Variants in SYNE2 observed in about 807,000 individuals in gnomAD.
SYNE2 encodes spectrin repeat containing nuclear envelope protein 2.
In SYNE2, 431 loss-of-function variants were observed where a neutral mutation model predicts 856.3. The observed-to-expected ratio is 0.50, with a 90% CI of 0.47 to 0.55. The LOEUF is 0.55. Among genes scored for constraint, SYNE2 ranks in the 20% least tolerant of loss-of-function variants. SYNE2 has a pLI of 0.00. For synonymous variants in SYNE2, 2,923 were observed against 2,872.3 expected, an observed-to-expected ratio of 1.02 and a Z score of -0.56; for missense variants, 8,129 against 8,023.2, an observed-to-expected ratio of 1.01 and a Z score of -0.50.
In SYNE2 at chr14:64,024,167, G is replaced by C. The variant is rs1465631564; in HGVS notation, c.5638-90G>C. 5 of 1,081,780 alleles carry C rather than the reference G, an allele frequency of 4.6e-6. No individual in the cohort carries two copies. In the East Asian group the frequency reaches 1.2e-4, roughly 27 times the overall value. The allele number at this position is 1,081,780 out of a possible 1,614,324, so 67.0% of individuals were successfully genotyped here. A position where few individuals can be genotyped will look rare whatever the true frequency, so the allele number is the denominator to read the frequency against. On this transcript the variant is annotated intron_variant, in intron 38 of 115. Coordinates refer to ENST00000555002, the MANE Select transcript of SYNE2 (RefSeq NM_182914.3). ...AGGATCTTAAGAAGGTGGTATGTCT[G>C]TGTACTGGTTTGGAAAAGTGTCGTG...
intron 48 of SYNE2, 78 bp from the exon 49 acceptor site, chr14:64,055,866 T>A (rs1296554516): frequency 9.5e-7 from 1 of 1,049,432 alleles, no homozygotes; most frequent in African/African-American, 1.6e-5. Context: ...ATTATCTATG[T>A]ACCACGAAAA....
chr14:64,132,156 G>T, intron 76 of SYNE2, 109 bp from the exon 77 acceptor site: 1 of 1,324,534 alleles, frequency 7.5e-7, no homozygotes, highest in Admixed American at 1.9e-5. Context: ...CGGATGTCCT[G>T]GGATTTTGGA....
At chr14:63,835,081 G>A (rs972392004) in intron 1 of SYNE2, among the ~76,000 whole-genome samples, 2 of 151,702 alleles carry the variant, frequency 1.3e-5, no homozygotes, top group African/African-American at 2.4e-5. Context: ...ATCTATTGAC[G>A]GCATATTATG....
chr14:63,788,443 G>A (rs563982197), intron 1 of SYNE2, among the ~76,000 whole-genome samples: 61 of 152,198 alleles, frequency 4.0e-4, no homozygotes, highest in African/African-American at 1.4e-3. Flanking sequence ...AGCTGCACCC[G>A]GGAGGGCAGG....
chr14:63,909,213 A>G lies in SYNE2; in HGVS notation c.65A>G (p.His22Arg), dbSNP rs772051516. ...EQGSWGIDDL[H>R]ISLQAEQEDT... is the part of the protein sequence containing the mutation. ...GGTTCCTGGGGCATCGACGATCTCC[A>G]TATTTCATTGCAAGGTAATTAAGAT... is the stretch of plus-strand genomic sequence containing the variant. The change falls in exon 2 of 116, where the codon CAT becomes CGT. Residue 22 changes from histidine to arginine, a missense_variant. By Grantham distance (29) the His-to-Arg change is conservative (BLOSUM62 0). This residue lies in a region of SYNE2 where 2,422 missense variants were observed against 2,357.4 expected (regional missense o/e 1.03). Coordinates refer to ENST00000555002, the MANE Select transcript of SYNE2 (RefSeq NM_182914.3). The G allele has an allele frequency of 1.2e-6, 2 of 1,611,690 alleles. No individual in the cohort carries two copies. The highest frequency in any genetic ancestry group is 1.1e-5 in the South Asian group (1 of 90,960).
In SYNE2 at chr14:63,941,704, C is replaced by T. The variant is rs373286353; in HGVS notation, c.151C>T (p.Pro51Ser). ...INSQLARHTSPSVISDLFTDI... is the reference protein window; with the variant it reads ...INSQLARHTSSSVISDLFTDI... ...TTGTGACCTTCTGCAGCACACTTCTCCCTCAGTTATATCCGACCTATTCAC... is the reference window on the plus strand; with the variant it reads ...TTGTGACCTTCTGCAGCACACTTCTTCCTCAGTTATATCCGACCTATTCAC... Residue 51 changes from proline to serine, a missense_variant, in exon 4 of 116, where the codon CCC becomes TCC. This residue lies in a region of SYNE2 where 2,422 missense variants were observed against 2,357.4 expected (regional missense o/e 1.03). Coordinates refer to ENST00000555002, the MANE Select transcript of SYNE2 (RefSeq NM_182914.3). 6 of 1,613,934 alleles carry T rather than the reference C, an allele frequency of 3.7e-6. No homozygotes were observed. The African/African-American group carries it at 6.7e-5, about 18-fold the overall frequency.
At chr14:63,844,853 T>C (rs758317498) in intron 1 of SYNE2, among the ~76,000 whole-genome samples, 3 of 152,012 alleles carry the variant, frequency 2.0e-5, no homozygotes, top group Non-Finnish European at 4.4e-5. Flanking sequence ...AGGACCACCC[T>C]GAGCAACATA....
At chr14:64,039,108 T>C (rs2097127469) in intron 45 of SYNE2, among the ~76,000 whole-genome samples, 1 of 152,230 alleles carries the variant, frequency 6.6e-6, no homozygotes, top group South Asian at 2.1e-4. Flanking sequence ...CTTTTGGTTT[T>C]GTCTCTAATG....
At chr14:64,086,385 A>C (rs544684955) in intron 57 of SYNE2, among the ~76,000 whole-genome samples, 16 of 152,346 alleles carry the variant, frequency 1.1e-4, no homozygotes, top group Non-Finnish European at 2.2e-4. Context: ...CCAATATGAC[A>C]GTCTTCATTA....
chr14:64,083,991 C>G (rs1402151340), intron 57 of SYNE2, among the ~76,000 whole-genome samples: 1 of 150,578 alleles, frequency 6.6e-6, no homozygotes, highest in Admixed American at 6.6e-5. Context: ...ATGGTGCGAT[C>G]TTGGCTCACC....
intron 100 of SYNE2, among the ~76,000 whole-genome samples, chr14:64,206,496 T>C (rs994951133): frequency 1.3e-5 from 2 of 152,086 alleles, no homozygotes; most frequent in African/African-American, 4.8e-5. Context: ...GGCCATTGTG[T>C]GGTGTTTTAC....
At chr14:63,870,239 C>A (rs1478583713) in intron 1 of SYNE2, among the ~76,000 whole-genome samples, 1 of 152,028 alleles carries the variant, frequency 6.6e-6, no homozygotes, top group African/African-American at 2.4e-5. Context: ...CACTCTCCAC[C>A]CATAAAAGCC....
intron 41 of SYNE2, among the ~76,000 whole-genome samples, chr14:64,025,733 G>A (rs2096972882): frequency 6.6e-6 from 1 of 152,140 alleles, no homozygotes; most frequent in Non-Finnish European, 1.5e-5. Flanking sequence ...AGTTTGCTAG[G>A]ATGTCAAAAG....
intron 1 of SYNE2, among the ~76,000 whole-genome samples, chr14:63,862,666 T>A (rs1045840009): frequency 6.6e-6 from 1 of 152,230 alleles, no homozygotes; most frequent in African/African-American, 2.4e-5. Context: ...TATACACGCA[T>A]GCCCTGCCAA....
chr14:63,874,340 A>G (rs1391205982), intron 1 of SYNE2, among the ~76,000 whole-genome samples: 1 of 152,176 alleles, frequency 6.6e-6, no homozygotes, highest in East Asian at 1.9e-4. Context: ...ACTAAATCCT[A>G]CTGAACGCTG....
At chr14:64,178,938 G>A (rs755121183) in intron 96 of SYNE2, among the ~76,000 whole-genome samples, 12 of 152,054 alleles carry the variant, frequency 7.9e-5, no homozygotes, top group Non-Finnish European at 1.8e-4. Context: ...TTAGCTGGAT[G>A]TGGTGGCACT....
chr14:64,205,176 T>C (rs183171713), intron 100 of SYNE2, among the ~76,000 whole-genome samples: 1 of 152,292 alleles, frequency 6.6e-6, no homozygotes, highest in Admixed American at 6.5e-5. Context: ...ATCTAACATA[T>C]TCACAGATTC....
intron 78 of SYNE2, among the ~76,000 whole-genome samples, chr14:64,136,247 G>A (rs1039736606): frequency 2.2e-5 from 3 of 139,338 alleles, no homozygotes; most frequent in Non-Finnish European, 3.0e-5. Context: ...CTGAGATAGC[G>A]CCACTGTACT....
intron 38 of SYNE2, chr14:64,023,114 G>A (rs1260894156): frequency 4.6e-6 from 2 of 435,942 alleles, no homozygotes; most frequent in East Asian, 9.3e-5. Context: ...AAAATTAGCT[G>A]GGTGTGGCAG....
Sources: allele counts gnomAD v4.1 joint callset (sites outside exome capture counted in the v4.1 genomes callset), GRCh38; gene constraint gnomAD v4.1.1; regional missense constraint gnomAD v4.1.1; transcripts MANE v1.5; gene names NCBI Gene and HGNC (gene_info 2026-07-23, HGNC 2026-07-21).